Variants in GRAMD2B observed in about 807,000 individuals in gnomAD.
GRAMD2B encodes the protein GRAM domain containing 2B, also known as GRAM domain-containing protein 2B.
A neutral mutation model predicts 59.2 loss-of-function variants in GRAMD2B; 41 were observed. The observed-to-expected ratio is 0.69, with a 90% CI of 0.54 to 0.90. The LOEUF (loss-of-function observed/expected upper bound fraction) is 0.90. GRAMD2B is among the 40% of genes least tolerant of loss of function. The probability of loss-of-function intolerance (pLI) is 0.00; values close to 1 mark genes in which losing one functional copy is unlikely to be tolerated. For synonymous variants in GRAMD2B, 161 were observed against 182.7 expected, an observed-to-expected ratio of 0.88 and a Z score of 0.96; for missense variants, 424 against 500.5, an observed-to-expected ratio of 0.85 and a Z score of 1.46.
At chr5:126,373,803 GAGA>G (rs1268037800) in intron 1 of GRAMD2B, among the ~76,000 whole-genome samples, 2 of 152,220 alleles carry the variant, frequency 1.3e-5, no homozygotes, top group African/African-American at 4.8e-5. Flanking sequence ...TCATAAGACT[GAGA>G]AGGAGCGTGG....
intron 1 of GRAMD2B, among the ~76,000 whole-genome samples, chr5:126,383,249 T>C (rs898645851): frequency 1.3e-5 from 2 of 152,264 alleles, no homozygotes; most frequent in African/African-American, 4.8e-5. Flanking sequence ...GGTTCATTTA[T>C]ATGCTTTCAC....
chr5:126,372,205 T>G (rs1467526163), intron 1 of GRAMD2B, among the ~76,000 whole-genome samples: 1 of 152,208 alleles, frequency 6.6e-6, no homozygotes, highest in Non-Finnish European at 1.5e-5. Flanking sequence ...TTTATTCATT[T>G]TGTCTCATTA....
intron 1 of GRAMD2B, among the ~76,000 whole-genome samples, chr5:126,389,383 G>T (rs564816185): frequency 6.6e-6 from 1 of 152,040 alleles, no homozygotes; most frequent in East Asian, 1.9e-4. Flanking sequence ...CTTCTCTCCC[G>T]CTGTCATTCT....
At chr5:126,417,546 A>T (rs757835204) in intron 1 of GRAMD2B, among the ~76,000 whole-genome samples, 2 of 152,244 alleles carry the variant, frequency 1.3e-5, no homozygotes, top group Non-Finnish European at 2.9e-5. Context: ...ATCTGAGTGC[A>T]AATGCATGAG....
At chr5:126,458,518 G>T (rs1046682923) in intron 1 of GRAMD2B, among the ~76,000 whole-genome samples, 1 of 151,892 alleles carries the variant, frequency 6.6e-6, no homozygotes, top group Non-Finnish European at 1.5e-5. Flanking sequence ...ATCTTTGTAC[G>T]TTCATGGATA....
At chr5:126,465,007 A>G in intron 1 of GRAMD2B, 1 of 973,718 alleles carries the variant, frequency 1.0e-6, no homozygotes, top group African/African-American at 1.7e-5. Context: ...CATAAGAGAA[A>G]TGCAAACAAA....
chr5:126,379,717 G>A (rs575931442), intron 1 of GRAMD2B, among the ~76,000 whole-genome samples: 2 of 152,254 alleles, frequency 1.3e-5, no homozygotes, highest in South Asian at 4.1e-4. Context: ...TTTGAGAAGT[G>A]TCTATTCATG....
chr5:126,422,678 G>T (rs942029952), upstream of GRAMD2B, among the ~76,000 whole-genome samples: 13 of 152,152 alleles, frequency 8.5e-5, no homozygotes, highest in Admixed American at 2.0e-4. Flanking sequence ...ATGAATGAAT[G>T]AGTGAATGCT....
At chr5:126,413,866 T>C (rs978726149) in intron 1 of GRAMD2B, among the ~76,000 whole-genome samples, 3 of 152,180 alleles carry the variant, frequency 2.0e-5, no homozygotes, top group African/African-American at 4.8e-5. Context: ...AAACAGTTGC[T>C]ACTACTATTC....
chr5:126,445,789 GTCATT>G (rs1208397915), intron 1 of GRAMD2B, among the ~76,000 whole-genome samples: 1 of 152,118 alleles, frequency 6.6e-6, no homozygotes, highest in African/African-American at 2.4e-5. Context: ...GCTGATTCGT[GTCATT>G]GGGAATCTCT....
chr5:126,364,607 C>G (rs370089388), intron 1 of GRAMD2B, among the ~76,000 whole-genome samples: 33 of 152,304 alleles, frequency 2.2e-4, no homozygotes, highest in South Asian at 2.1e-3. Flanking sequence ...TCTAGATTAC[C>G]AGGTCAGGAG....
chr5:126,414,011 C>A (rs1759054045), intron 1 of GRAMD2B, among the ~76,000 whole-genome samples: 1 of 152,064 alleles, frequency 6.6e-6, no homozygotes, highest in Non-Finnish European at 1.5e-5. Flanking sequence ...CCATTCAGGA[C>A]TCTCTTATCT....
rs867291055 is a variant in GRAMD2B, at chr5:126,360,527, G to C, written c.128+68G>C. ...GAGTGTGGCTTCTGTGGTTTAAAAG[G>C]CCTTTTTGGTATCTTAAGGACAGAG... On this transcript the variant is annotated intron_variant, in intron 1 of 13. Transcript: ENST00000513040. 2.7e-6 allele frequency: 4 copies of C among 1,472,850 alleles called. No individual in the cohort carries two copies. In the Middle Eastern group the frequency reaches 6.0e-4, roughly 222 times the overall value. 91.2% of individuals were successfully genotyped at this position (1,472,850 alleles called of 1,614,324 possible). A position where few individuals can be genotyped will look rare whatever the true frequency, so the allele number is the denominator to read the frequency against.
intron 1 of GRAMD2B, among the ~76,000 whole-genome samples, chr5:126,363,155 A>C (rs192124508): frequency 1.3e-5 from 2 of 152,352 alleles, no homozygotes; most frequent in East Asian, 1.9e-4. Flanking sequence ...AAAACGGGGC[A>C]AAGGATTTGA....
intron 1 of GRAMD2B, among the ~76,000 whole-genome samples, chr5:126,402,960 C>T (rs1383116407): frequency 4.0e-5 from 6 of 151,788 alleles, no homozygotes; most frequent in Non-Finnish European, 7.4e-5. Flanking sequence ...GAATGTGAGG[C>T]TAAAAGGAGA....
At chr5:126,465,120 G>A (rs1357677159) in intron 1 of GRAMD2B, 7 of 1,214,194 alleles carry the variant, frequency 5.8e-6, no homozygotes, top group Non-Finnish European at 7.2e-6. Flanking sequence ...CCAGCCTCCA[G>A]GTGATCTGCT....
At chr5:126,472,987 T>C (rs919405805) in intron 4 of GRAMD2B, among the ~76,000 whole-genome samples, 2 of 152,210 alleles carry the variant, frequency 1.3e-5, no homozygotes, top group Non-Finnish European at 2.9e-5. Flanking sequence ...CCAGGCTAAA[T>C]AGAGGAGACT....
chr5:126,378,714 A>G (rs1373806416), intron 1 of GRAMD2B, among the ~76,000 whole-genome samples: 1 of 152,202 alleles, frequency 6.6e-6, no homozygotes, highest in Non-Finnish European at 1.5e-5. Context: ...AACTCCCAAC[A>G]GGAATGCATG....
At chr5:126,436,465 A>G (rs1762426442) in intron 1 of GRAMD2B, among the ~76,000 whole-genome samples, 1 of 152,120 alleles carries the variant, frequency 6.6e-6, no homozygotes, top group Admixed American at 6.5e-5. Flanking sequence ...CCTGGGCAAC[A>G]TAACAAGACC....
Sources: gnomAD v4.1 joint callset for allele counts (sites outside exome capture counted in the v4.1 genomes callset) on GRCh38, gnomAD v4.1.1 for gene constraint, MANE v1.5 for transcripts, NCBI Gene and HGNC (gene_info 2026-07-23, HGNC 2026-07-21) for gene names.